The following LSM12 variants were observed in gnomAD, a reference collection of about 807,000 sequenced individuals.
LSM12 encodes the protein protein LSM12.
For missense variants in LSM12, 108 were observed against 238.9 expected (o/e 0.45, Z 3.61); for synonymous variants, 74 against 87.3 (o/e 0.85, Z 0.85).
intron 2 of LSM12, among the ~76,000 whole-genome samples, chr17:44,059,894 G>C (rs1334446885): frequency 6.6e-6 from 1 of 152,182 alleles, no homozygotes; most frequent in Non-Finnish European, 1.5e-5. Flanking sequence ...GCCGGGTGTG[G>C]TGGCTCAAGC....
intron 3 of LSM12, 53 bp downstream of exon 3, chr17:44,040,094 C>T (rs2049468147): frequency 1.0e-5 from 14 of 1,388,370 alleles, no homozygotes; most frequent in Non-Finnish European, 1.1e-5. Context: ...CACCAGACAG[C>T]ACAACCAGGT....
At chr17:44,061,421 G>A (rs1314565847) in intron 2 of LSM12, among the ~76,000 whole-genome samples, 1 of 151,856 alleles carries the variant, frequency 6.6e-6, no homozygotes, top group East Asian at 1.9e-4. Context: ...CTGGTAGAAG[G>A]TATATTACTA....
chr17:44,042,076 C>A (rs555350756), intron 2 of LSM12, among the ~76,000 whole-genome samples: 13 of 152,238 alleles, frequency 8.5e-5, no homozygotes, highest in African/African-American at 2.9e-4. Flanking sequence ...CACCTGAGGT[C>A]AGGAGTTTGA....
chr17:44,046,364 T>C (rs1597887254), intron 2 of LSM12, among the ~76,000 whole-genome samples: 1 of 152,154 alleles, frequency 6.6e-6, no homozygotes, highest in East Asian at 1.9e-4. Context: ...GGTAAGTGTA[T>C]GTTTAATTTT....
At chr17:44,040,384 G>C in intron 2 of LSM12, 128 bp from the exon 3 acceptor site, 2 of 667,294 alleles carry the variant, frequency 3.0e-6, no homozygotes, top group Non-Finnish European at 5.1e-6. Context: ...TCTCAGAAAT[G>C]AAAAGTGAAA....
intron 2 of LSM12, 162 bp from the exon 3 acceptor site, chr17:44,040,418 A>C (rs1184326147): frequency 3.5e-6 from 2 of 568,032 alleles, no homozygotes; most frequent in Non-Finnish European, 3.2e-6. Flanking sequence ...TCCACGACAT[A>C]CCTGAACAGT....
rs886241556 is a variant in LSM12 at position 44,039,063 on chromosome 17, GT to G, written c.368+1083del. ...CAAATGACTTCTGCTGTGACAAAAT[GT>G]TTTTTTTTGAGACGGAGTTTTGCTC... is the stretch of plus-strand genomic sequence containing the variant. On this transcript the variant is annotated intron_variant, in intron 3 of 4. Coordinates refer to ENST00000293406, the MANE Select transcript of LSM12 (RefSeq NM_001371445.1). Among the ~76,000 whole-genome samples, 4 of 150,984 alleles carry G rather than the reference GT, an allele frequency of 2.6e-5. No individual in the cohort carries two copies. In the East Asian group the frequency reaches 7.8e-4, roughly 29 times the overall value.
In LSM12 at chr17:44,058,451, G is replaced by T. The variant is rs1051898138; in HGVS notation, c.258+5350C>A. ...GGCCAGTGGCTCATACCTGTAATTC[G>T]AATACTTTGGGAAGCCGAGGAAGGA... On this transcript the variant is annotated intron_variant, in intron 2 of 4. Transcript: ENST00000293406. 3.3e-5 allele frequency among the ~76,000 whole-genome samples: 5 copies of T among 151,906 alleles called. No homozygotes were observed. The East Asian group carries it at 9.7e-4, about 29-fold the overall frequency.
intron 4 of LSM12, 137 bp from the exon 5 acceptor site, chr17:44,036,437 T>C: frequency 8.6e-7 from 1 of 1,165,052 alleles, no homozygotes; most frequent in African/African-American, 1.5e-5. Flanking sequence ...CCTTGCTGTC[T>C]ATTGGCCTTC....
chr17:44,060,981 T>C (rs903392489), intron 2 of LSM12, among the ~76,000 whole-genome samples: 1 of 152,140 alleles, frequency 6.6e-6, no homozygotes, highest in African/African-American at 2.4e-5. Flanking sequence ...TCATACCCTA[T>C]AAACACCAAA....
In LSM12 at chr17:44,044,186, T is replaced by A. The variant is rs1171476608; in HGVS notation, c.259-3930A>T. Among the ~76,000 whole-genome samples the A allele has an allele frequency of 2.0e-5, 3 of 151,592 alleles. No individual in the cohort carries two copies. The East Asian group carries it at 5.8e-4, about 29-fold the overall frequency. ...TAAGAATGGAACTGACAAATTAAGC[T>A]AGAGAAGGGGAGAAAAAAAAGCTGG... On this transcript the variant is annotated intron_variant, in intron 2 of 4. Transcript: ENST00000293406.
chr17:44,055,490 C>T (rs750675106), intron 2 of LSM12, among the ~76,000 whole-genome samples: 9 of 139,678 alleles, frequency 6.4e-5, no homozygotes, highest in African/African-American at 1.1e-4. Context: ...GGTGAAGCCC[C>T]GTCTCTACCA....
chr17:44,063,053 A>G (rs953369378), intron 2 of LSM12, among the ~76,000 whole-genome samples: 5 of 152,090 alleles, frequency 3.3e-5, no homozygotes, highest in African/African-American at 1.2e-4. Context: ...TGGGCGACAC[A>G]GAGAGACTCT....
In LSM12 at chr17:44,034,857, C is replaced by T. The variant is rs909744935; in HGVS notation, c.*1351G>A. On this transcript the variant is annotated 3_prime_UTR_variant, in exon 5 of 5. Transcript: ENST00000293406. The stretch of plus-strand genomic sequence containing the variant: ...AGCATCACCCACATCCCACTCAGTG[C>T]CTGATATTCGGATGGTGGCATACTC... The T allele has an allele frequency of 2.5e-5, 2 of 79,456 alleles. No individual in the cohort carries two copies. The highest frequency in any genetic ancestry group is 4.9e-5 in the Non-Finnish European group (2 of 40,608). The allele number at this position is 79,456 out of a possible 1,614,324, so 4.9% of individuals were successfully genotyped here. A position where few individuals can be genotyped will look rare whatever the true frequency, so the allele number is the denominator to read the frequency against.
At chr17:44,067,173 G>T (rs1159247474), upstream of LSM12, among the ~76,000 whole-genome samples, 2 of 152,178 alleles carry the variant, frequency 1.3e-5, no homozygotes, top group Non-Finnish European at 2.9e-5. Context: ...GGTGGCGCGT[G>T]CCTGTAATCC....
At chr17:44,052,944 A>C (rs189027614) in intron 2 of LSM12, among the ~76,000 whole-genome samples, 1 of 152,252 alleles carries the variant, frequency 6.6e-6, no homozygotes, top group African/African-American at 2.4e-5. Context: ...TGAAAAATAA[A>C]TACTGTTCTT....
chr17:44,064,440 G>C (rs995762509), intron 1 of LSM12, among the ~76,000 whole-genome samples: 6 of 152,140 alleles, frequency 3.9e-5, no homozygotes, highest in Non-Finnish European at 5.9e-5. Context: ...TAAAAGTTGA[G>C]TAATTCAGCC....
chr17:44,065,792 A>G (rs546808664), intron 1 of LSM12, among the ~76,000 whole-genome samples: 27 of 152,240 alleles, frequency 1.8e-4, no homozygotes, highest in Non-Finnish European at 1.9e-4. Flanking sequence ...CCTCTCTGGA[A>G]CAGGTTTCCA....
At chr17:44,041,137 G>T (rs752487260) in intron 2 of LSM12, among the ~76,000 whole-genome samples, 4 of 151,632 alleles carry the variant, frequency 2.6e-5, no homozygotes, top group Admixed American at 2.0e-4. Context: ...CGGGCATGGT[G>T]GTGCGTGCCT....
Sources: gnomAD v4.1 joint callset for allele counts (sites outside exome capture counted in the v4.1 genomes callset) on GRCh38, gnomAD v4.1.1 for gene constraint, MANE v1.5 for transcripts, NCBI Gene and HGNC (gene_info 2026-07-23, HGNC 2026-07-21) for gene names.